Variants in SLC41A3 observed in about 807,000 individuals in gnomAD.
SLC41A3 encodes solute carrier family 41 member 3, also known as SLC41A1-like 2.
SLC41A3 carries 44 observed loss-of-function variants against 45.4 expected under a neutral mutation model. The observed-to-expected ratio is 0.97, with a 90% CI of 0.76 to 1.25. The LOEUF (loss-of-function observed/expected upper bound fraction) is 1.25. SLC41A3 is among the 50% of genes most tolerant of loss of function. SLC41A3 has a pLI of 0.00. For synonymous variants in SLC41A3, 256 were observed against 252.4 expected, an observed-to-expected ratio of 1.01 and a Z score of -0.13; for missense variants, 550 against 600.6, an observed-to-expected ratio of 0.92 and a Z score of 0.88.
intron 8 of SLC41A3, 64 bp downstream of exon 8, chr3:126,015,430 G>C: frequency 2.6e-6 from 4 of 1,565,490 alleles, no homozygotes; most frequent in African/African-American, 1.3e-5. Flanking sequence ...TGCTGTTCCG[G>C]TCCAACCCAA....
intron 1 of SLC41A3, among the ~76,000 whole-genome samples, chr3:126,094,709 C>A (rs7432168): frequency 0.61 from 92,522 of 152,024 alleles, 28,592 homozygotes; most frequent in African/African-American, 0.71. Context: ...GCCTGCTAAG[C>A]ATTTTCATTG....
chr3:126,017,332 C>T (rs952841816), intron 6 of SLC41A3, among the ~76,000 whole-genome samples: 3 of 152,198 alleles, frequency 2.0e-5, no homozygotes, highest in East Asian at 3.9e-4. Context: ...CAAGCAGCCC[C>T]GTCAGGGCTA....
At chr3:126,021,318 T>G (rs1940863457) in intron 6 of SLC41A3, among the ~76,000 whole-genome samples, 1 of 152,236 alleles carries the variant, frequency 6.6e-6, no homozygotes, top group African/African-American at 2.4e-5. Context: ...GAGAGCTGCA[T>G]GTGCAGTGTG....
Position 126,016,883 on chromosome 3 carries a change from G to T in SLC41A3, c.746-8C>A. On this transcript the variant is annotated splice_polypyrimidine_tract_variant and splice_region_variant and intron_variant, in intron 6 of 10. Coordinates refer to ENST00000360370, the MANE Select transcript of SLC41A3 (RefSeq NM_017836.4). ...GCGTCAGATACCGACTATCTGAAAG[G>T]AGAACAGGGACACACGCAGCTCATG... 2 of 1,610,344 alleles carry T rather than the reference G, an allele frequency of 1.2e-6. No homozygotes were observed.
At chr3:126,037,874 A>C (rs1290249792) in intron 3 of SLC41A3, among the ~76,000 whole-genome samples, 2 of 152,148 alleles carry the variant, frequency 1.3e-5, no homozygotes, top group Non-Finnish European at 2.9e-5. Flanking sequence ...CTCCCATCAC[A>C]GGTCCAGTGG....
intron 6 of SLC41A3, among the ~76,000 whole-genome samples, chr3:126,019,914 C>G (rs553232611): frequency 2.4e-4 from 36 of 152,198 alleles, no homozygotes; most frequent in Non-Finnish European, 5.0e-4. Flanking sequence ...TGGTGGAACT[C>G]TGGAGCAGCT....
At chr3:126,020,155 C>T (rs754169901) in intron 6 of SLC41A3, among the ~76,000 whole-genome samples, 10 of 152,078 alleles carry the variant, frequency 6.6e-5, no homozygotes, top group Admixed American at 1.3e-4. Flanking sequence ...GAGCTGCACC[C>T]GAGCCGTGTG....
chr3:126,016,697 A>C, intron 7 of SLC41A3, 34 bp downstream of exon 7: 1 of 1,586,682 alleles, frequency 6.3e-7, no homozygotes, highest in Non-Finnish European at 8.6e-7. Flanking sequence ...GGCTGAGAGG[A>C]GGAAGAGGGG....
chr3:126,065,212 C>T (rs1944288063), intron 2 of SLC41A3, among the ~76,000 whole-genome samples: 1 of 152,246 alleles, frequency 6.6e-6, no homozygotes, highest in East Asian at 1.9e-4. Context: ...ACGTGGATTT[C>T]AGCTGTTGAG....
chr3:126,080,699 C>T (rs1945106120), intron 1 of SLC41A3, among the ~76,000 whole-genome samples: 1 of 152,140 alleles, frequency 6.6e-6, no homozygotes, highest in Non-Finnish European at 1.5e-5. Flanking sequence ...GCCTGTAATC[C>T]CAGCACTTTG....
At chr3:126,023,123 C>A in intron 5 of SLC41A3, 191 bp from the exon 6 acceptor site, 1 of 680,410 alleles carries the variant, frequency 1.5e-6, no homozygotes, top group Non-Finnish European at 2.4e-6. Context: ...TCAGAGCTTC[C>A]CACTACACTG....
At chr3:126,056,556 C>G (rs201025311) in intron 2 of SLC41A3, 605 of 1,612,782 alleles carry the variant, frequency 3.8e-4, no homozygotes, top group Non-Finnish European at 4.6e-4. Flanking sequence ...CCACCATGGC[C>G]AGGCAATGCA....
At chr3:126,010,217 TA>T (rs1180434415) in intron 9 of SLC41A3, among the ~76,000 whole-genome samples, 7 of 152,232 alleles carry the variant, frequency 4.6e-5, no homozygotes, top group Non-Finnish European at 1.0e-4. Context: ...CTCACGCCTG[TA>T]AACCCAACAC....
upstream of SLC41A3, chr3:126,085,441 G>T (rs561635496): frequency 6.6e-6 from 1 of 152,180 alleles, no homozygotes; most frequent in Non-Finnish European, 1.5e-5. Flanking sequence ...GCCTGAACTC[G>T]GAGCGAAGAT....
chr3:126,008,469 G>A (rs1580374126), intron 10 of SLC41A3, among the ~76,000 whole-genome samples: 1 of 151,762 alleles, frequency 6.6e-6, no homozygotes, highest in South Asian at 2.1e-4. Context: ...GTGGGGTACA[G>A]TGTGTGGTGT....
intron 9 of SLC41A3, among the ~76,000 whole-genome samples, chr3:126,010,019 G>A (rs114492378): frequency 0.028 from 4,197 of 152,310 alleles, 137 homozygotes; most frequent in African/African-American, 0.08. Flanking sequence ...TAAAACAAAC[G>A]TAAGCAGATT....
At chr3:126,037,598 A>G (rs928847856) in intron 3 of SLC41A3, among the ~76,000 whole-genome samples, 1 of 152,186 alleles carries the variant, frequency 6.6e-6, no homozygotes, top group African/African-American at 2.4e-5. Context: ...ATTTCTAAGG[A>G]GCAAATTTCT....
chr3:126,021,088 A>G (rs182504848), intron 6 of SLC41A3, among the ~76,000 whole-genome samples: 80 of 151,840 alleles, frequency 5.3e-4, no homozygotes, highest in Admixed American at 2.2e-3. Context: ...TAGAGACAGG[A>G]TTTCACCGTG....
chr3:126,006,742 T>C lies in SLC41A3; in HGVS notation c.*274A>G. 6 of 1,444,674 alleles carry C rather than the reference T, an allele frequency of 4.2e-6. No individual in the cohort carries two copies. The highest frequency in any genetic ancestry group is 5.4e-6 in the Non-Finnish European group (6 of 1,103,814). The allele number at this position is 1,444,674 out of a possible 1,614,324, so 89.5% of individuals were successfully genotyped here. On this transcript the variant is annotated 3_prime_UTR_variant, in exon 11 of 11. Transcript: ENST00000360370. ...CTTCTCAGGCCAGAACACCCTCCTCTCCACAAACGTGTGCACACTTGCACG... is the reference window on the plus strand; with the variant it reads ...CTTCTCAGGCCAGAACACCCTCCTCCCCACAAACGTGTGCACACTTGCACG...
Sources: allele counts gnomAD v4.1 joint callset (sites outside exome capture counted in the v4.1 genomes callset), GRCh38; gene constraint gnomAD v4.1.1; transcripts MANE v1.5; gene names NCBI Gene and HGNC (gene_info 2026-07-23, HGNC 2026-07-21).